The following PHTF1 variants were observed in gnomAD, a reference collection of about 807,000 sequenced individuals.
The protein encoded by PHTF1 is protein PHTF1.
Under a neutral mutation model 102.4 loss-of-function variants are expected in PHTF1, and 88 were observed. The observed-to-expected ratio is 0.86, with a 90% confidence interval of 0.72 to 1.03. The LOEUF (loss-of-function observed/expected upper bound fraction) is 1.03, where lower values mean the gene tolerates loss of function less well. Ranked by LOEUF, PHTF1 falls within the 50% of genes least tolerant of loss-of-function variation. The pLI, the probability that PHTF1 is intolerant of heterozygous loss-of-function variation, is 0.00. For missense variants in PHTF1, 814 were observed against 909.5 expected, an observed-to-expected ratio of 0.89 and a Z score of 1.35; for synonymous variants, 289 against 305.2, an observed-to-expected ratio of 0.95 and a Z score of 0.55.
intron 15 of PHTF1, among the ~76,000 whole-genome samples, chr1:113,703,256 G>C (rs1385734729): frequency 6.6e-6 from 1 of 152,108 alleles, no homozygotes; most frequent in Non-Finnish European, 1.5e-5. Context: ...AATGTATGCT[G>C]GATAACAAAG....
At chr1:113,714,664 AGCGTCTCTGGATCT>A (rs1193617869) in intron 7 of PHTF1, 2 of 152,248 alleles carry the variant, frequency 1.3e-5, no homozygotes, top group Non-Finnish European at 2.9e-5. Flanking sequence ...AGGCCCTGAT[AGCGTCTCTGGATCT>A]GCCCAGAGCT....
At chr1:113,758,763 T>G in intron 1 of PHTF1, 30 bp from the exon 2 acceptor site, 1 of 1,587,476 alleles carries the variant, frequency 6.3e-7, no homozygotes, top group Non-Finnish European at 8.6e-7. Context: ...AATCGGTGAG[T>G]CCAGCTGCTG....
intron 7 of PHTF1, among the ~76,000 whole-genome samples, chr1:113,719,494 A>G (rs1652583056): frequency 6.6e-6 from 1 of 152,170 alleles, no homozygotes; most frequent in Admixed American, 6.6e-5. Context: ...TCTCTAAGGG[A>G]GGGGCAAAAT....
Position 113,705,945 on chromosome 1 carries a change from C to T in PHTF1, c.1616G>A (p.Cys539Tyr), listed in dbSNP as rs1374989481. ...LSIINFFERL[C>Y]LTWMFFFMMC... ...CATGAAAAAAAACATCCAAGTAAGACACAATCTTTCAAAAAAATTAATTAT... is the reference window on the plus strand; with the variant it reads ...CATGAAAAAAAACATCCAAGTAAGATACAATCTTTCAAAAAAATTAATTAT... Residue 539 changes from cysteine to tyrosine, a missense_variant, in exon 13 of 19, where the codon TGT becomes TAT. Transcript: ENST00000369604. 1 of 1,613,938 alleles carries T rather than the reference C, an allele frequency of 6.2e-7. No homozygotes were observed. Among genetic ancestry groups the T allele is most frequent in the Non-Finnish European group, 8.5e-7 (1 of 1,179,876 alleles).
rs138950237 is a variant in PHTF1, at chr1:113,719,272, G to C, written c.623+5487C>G. On this transcript the variant is annotated intron_variant, in intron 7 of 18. Transcript: ENST00000369604. ...CCCACCTCAGCCTCCCAAAGTGCTG[G>C]GATTACAGGCGTGAGCCACCACGCC... Among the ~76,000 whole-genome samples, 769 of 152,126 alleles carry C rather than the reference G, an allele frequency of 5.1e-3. 4 individuals are homozygous for C. The highest frequency in any genetic ancestry group is 0.018 in the African/African-American group (742 of 41,496).
intron 17 of PHTF1, among the ~76,000 whole-genome samples, 162 bp from the exon 18 acceptor site, chr1:113,698,549 A>G (rs1382971033): frequency 2.6e-5 from 4 of 151,650 alleles, no homozygotes; most frequent in African/African-American, 9.7e-5. Context: ...GTTCTCACCT[A>G]CTTTTCTACT....
At chr1:113,715,045 A>C (rs1346946541) in intron 7 of PHTF1, 3 of 152,290 alleles carry the variant, frequency 2.0e-5, no homozygotes, top group African/African-American at 4.8e-5. Flanking sequence ...AACCTCTACA[A>C]GTCTGCAGGA....
chr1:113,701,855 A>AAAAAAAAAAAAAAAAAAAAAAT (rs1649486858), intron 15 of PHTF1, among the ~76,000 whole-genome samples: 1 of 141,734 alleles, frequency 7.1e-6, no homozygotes, highest in South Asian at 2.2e-4. Flanking sequence ...AAAAAAAAAA[A>AAAAAAAAAAAAAAAAAAAAAAT]AAAATCATTC....
chr1:113,711,796 C>A lies in PHTF1; in HGVS notation c.997G>T (p.Asp333Tyr). 1 of 1,614,048 alleles carries A rather than the reference C, an allele frequency of 6.2e-7. No homozygotes were observed. The highest frequency in any genetic ancestry group is 8.5e-7 in the Non-Finnish European group (1 of 1,179,944). ...TTTRWCHIVR[D>Y]SDSLAESEFE... ...TCTGATTCAGCCAGACTATCTGAAT[C>A]CCGCACAATATGACACCACCTTGTA... Residue 333 changes from aspartate (D) to tyrosine (Y), a missense_variant, in exon 10 of 19, where the codon GAT (aspartate) becomes TAT (tyrosine). Physicochemically the swap from Asp to Tyr is radical, Grantham distance 160 (BLOSUM62 -3). Transcript: ENST00000369604.
At chr1:113,732,972 C>T (rs1467381602) in intron 5 of PHTF1, among the ~76,000 whole-genome samples, 1 of 151,408 alleles carries the variant, frequency 6.6e-6, no homozygotes, top group Non-Finnish European at 1.5e-5. Flanking sequence ...TCATTGCTCA[C>T]TGTAACTTCG....
At position 113,726,517 on chromosome 1, in the gene PHTF1, C is replaced by A. The variant is rs750660513; in HGVS notation, c.389G>T (p.Gly130Val). The change falls in exon 6 of 19, where the codon GGA becomes GTA. Residue 130 changes from glycine to valine, a missense_variant. Gly to Val is a moderately radical substitution (Grantham distance 109). Transcript: ENST00000369604. ...MPIVNISEVL[G>V]PLCLMLLMGT... is the part of the protein sequence containing the mutation. ...CATGAGTAGCATAAGGCACAAGGGT[C>A]CAAGTACTTCACTTATGTTCACAAT... 1 of 1,607,118 alleles carries A rather than the reference C, an allele frequency of 6.2e-7. No homozygotes were observed. The highest frequency in any genetic ancestry group is 1.1e-5 in the South Asian group (1 of 90,444).
At position 113,724,770 on chromosome 1, in the gene PHTF1, G is replaced by GA; in HGVS notation, c.611dup (p.Phe205LeufsTer6). Reference sequence around the variant, plus strand: ...AAAAAGACTCCCACCTGTTGCCAAAGATAGTCTCCCAAAAACCACCAATAA... The same window carrying GA: ...AAAAAGACTCCCACCTGTTGCCAAAGAATAGTCTCCCAAAAACCACCAATAA... On this transcript the variant is annotated frameshift_variant, in exon 7 of 19. Transcript: ENST00000369604. LOFTEE classifies it high-confidence loss of function. The GA allele has an allele frequency of 1.9e-6, 3 of 1,597,930 alleles. No homozygotes were observed. The highest frequency in any genetic ancestry group is 2.6e-6 in the Non-Finnish European group (3 of 1,175,420).
At chr1:113,715,807 A>G (rs1462436892) in intron 7 of PHTF1, among the ~76,000 whole-genome samples, 1 of 151,666 alleles carries the variant, frequency 6.6e-6, no homozygotes, top group Non-Finnish European at 1.5e-5. Context: ...GGAGCTGAAA[A>G]ATGCAACTGA....
In PHTF1 at chr1:113,738,280, C is replaced by A. The variant is rs1212774884; in HGVS notation, c.173-12G>T. ...GGCAAATGTTGACCCTTTAAACATA[C>A]AATAAAACAAAACATCAAACATTTA... On this transcript the variant is annotated splice_polypyrimidine_tract_variant and intron_variant, in intron 4 of 18. Transcript: ENST00000369604. 3.1e-6 allele frequency: 5 copies of A among 1,608,162 alleles called. No individual in the cohort carries two copies. In the East Asian group the frequency reaches 1.1e-4, roughly 36 times the overall value.
chr1:113,731,625 G>A (rs4393155), intron 5 of PHTF1, among the ~76,000 whole-genome samples: 15,729 of 152,044 alleles, frequency 0.1, 1,065 homozygotes, highest in East Asian at 0.23. Flanking sequence ...CAGGCGCTGT[G>A]GCTCACACCT....
At chr1:113,716,391 C>T (rs1488483885) in intron 7 of PHTF1, among the ~76,000 whole-genome samples, 1 of 136,216 alleles carries the variant, frequency 7.3e-6, no homozygotes, top group Non-Finnish European at 1.5e-5. Context: ...GTTGCCCAGG[C>T]TGGAGTTCAC....
At chr1:113,701,797 T>A (rs11806583) in intron 15 of PHTF1, among the ~76,000 whole-genome samples, 2 of 63,202 alleles carry the variant, frequency 3.2e-5, no homozygotes, top group Non-Finnish European at 5.9e-5. Flanking sequence ...TGAAAGGAAA[T>A]AACTGGCAAC....
intron 6 of PHTF1, 105 bp downstream of exon 6, chr1:113,726,313 T>C (rs932840821): frequency 3.3e-6 from 3 of 908,774 alleles, no homozygotes; most frequent in African/African-American, 3.4e-5. Context: ...CAAAAAATAA[T>C]GAAAAACACA....
At chr1:113,731,417 T>C (rs1039010746) in intron 5 of PHTF1, among the ~76,000 whole-genome samples, 1 of 151,930 alleles carries the variant, frequency 6.6e-6, no homozygotes, top group Non-Finnish European at 1.5e-5. Flanking sequence ...CACACACCTA[T>C]AGTCCCAGCT....
Sources: gnomAD v4.1 joint callset for allele counts (sites outside exome capture counted in the v4.1 genomes callset) on GRCh38, gnomAD v4.1.1 for gene constraint, MANE v1.5 for transcripts, NCBI Gene and HGNC (gene_info 2026-07-23, HGNC 2026-07-21) for gene names.